Variants in SEMA6A observed in about 807,000 individuals in gnomAD.
SEMA6A encodes semaphorin-6A.
In SEMA6A, 25 loss-of-function variants were observed where a neutral mutation model predicts 96.8. The observed-to-expected ratio is 0.26, with a 90% CI of 0.19 to 0.36. The LOEUF (loss-of-function observed/expected upper bound fraction) is 0.36. Ranked by LOEUF, SEMA6A falls within the 10% of genes least tolerant of loss-of-function variation. SEMA6A has a pLI of 1.00. For missense variants in SEMA6A, 1,363 were observed against 1,323.1 expected (o/e 1.03, Z -0.47); for synonymous variants, 612 against 518.0 (o/e 1.18, Z -2.46).
In SEMA6A at chr5:116,477,845, C is replaced by A. The variant is rs1368107565; in HGVS notation, c.1649+1G>T. The A allele has an allele frequency of 6.2e-7, 1 of 1,613,708 alleles. No individual in the cohort carries two copies. The highest frequency in any genetic ancestry group is 1.7e-5 in the Admixed American group (1 of 60,008). On this transcript the variant is annotated splice_donor_variant, in intron 15 of 18. Coordinates refer to ENST00000343348, the MANE Select transcript of SEMA6A (RefSeq NM_020796.5). LOFTEE classifies it high-confidence loss of function. The stretch of plus-strand genomic sequence containing the variant: ...CCTCTCCCACACCTCAGGCTGCCTA[C>A]CTGCTGTTGGGTGATAAATGGCTGC...
chr5:116,535,784 C>G (rs138931490), intron 1 of SEMA6A, among the ~76,000 whole-genome samples: 1 of 152,324 alleles, frequency 6.6e-6, no homozygotes, highest in African/African-American at 2.4e-5. Flanking sequence ...TTTTGTAAAA[C>G]AGATTACACC....
chr5:116,487,013 AAGG>A (rs1757081613), intron 9 of SEMA6A, 47 bp from the exon 10 acceptor site: 2 of 1,388,854 alleles, frequency 1.4e-6, no homozygotes, highest in Non-Finnish European at 2.0e-6. Context: ...TTCATTTTGC[AAGG>A]AGATCTTAGT....
intron 9 of SEMA6A, 34 bp downstream of exon 9, chr5:116,488,074 T>A (rs1035722557): frequency 5.7e-6 from 8 of 1,401,300 alleles, no homozygotes; most frequent in African/African-American, 4.3e-5. Flanking sequence ...CTGAAAATGT[T>A]ACAAACTGAG....
intron 1 of SEMA6A, among the ~76,000 whole-genome samples, chr5:116,533,607 T>C (rs1013049352): frequency 2.6e-5 from 4 of 152,304 alleles, no homozygotes; most frequent in East Asian, 1.9e-4. Context: ...ATGTAGCTGT[T>C]TGGAAGGACT....
At chr5:116,520,225 C>T (rs950803542) in intron 1 of SEMA6A, among the ~76,000 whole-genome samples, 1 of 151,606 alleles carries the variant, frequency 6.6e-6, no homozygotes, top group Non-Finnish European at 1.5e-5. Context: ...CTCAGACAGG[C>T]CTTCCCTGAG....
chr5:116,461,457 GT>G lies in SEMA6A; in HGVS notation c.1894+6125del, dbSNP rs201938851. ...ATAAAAGGAATGCAAATTAGTATGA[GT>G]TTTTTTTTTCTTGAAATAAAGCTTA... On this transcript the variant is annotated intron_variant, in intron 18 of 18. Transcript: ENST00000343348. Among the ~76,000 whole-genome samples the G allele has an allele frequency of 7.1e-4, 103 of 144,278 alleles. 2 individuals carry two copies. Among genetic ancestry groups the G allele is most frequent in the African/African-American group, 2.0e-3 (80 of 39,476 alleles). The allele number at this position is 144,278 out of a possible 152,430, so 94.7% of individuals were successfully genotyped here. A position where few individuals can be genotyped will look rare whatever the true frequency, so the allele number is the denominator to read the frequency against.
At position 116,566,869 on chromosome 5, in the gene SEMA6A, A is replaced by G. The variant is rs143636372; in HGVS notation, c.-39+7316T>C. Among the ~76,000 whole-genome samples, 16 of 152,228 alleles carry G rather than the reference A, an allele frequency of 1.1e-4. No homozygotes were observed. The East Asian group carries it at 3.1e-3, about 29-fold the overall frequency. On this transcript the variant is annotated intron_variant, in intron 1 of 18. Coordinates refer to ENST00000343348, the MANE Select transcript of SEMA6A (RefSeq NM_020796.5). ...TTTCAAGCTTGGCCAGGGAAGAGTG[A>G]CCTGGCAGATGCATGCCCAACCTGA...
Position 116,446,461 on chromosome 5 carries a change from C to T in SEMA6A, c.*152G>A, listed in dbSNP as rs1754214229. On this transcript the variant is annotated 3_prime_UTR_variant, in exon 19 of 19. Coordinates refer to ENST00000343348, the MANE Select transcript of SEMA6A (RefSeq NM_020796.5). ...CACGCGGCCCAGTTTTCGTGAGTAC[C>T]CCTGTGTCCCAGAGAGGAGGACCCA... is the stretch of plus-strand genomic sequence containing the variant. The T allele has an allele frequency of 1.6e-6, 1 of 621,086 alleles. No homozygotes were observed. The highest frequency in any genetic ancestry group is 3.8e-5 in the South Asian group (1 of 26,230). 38.5% of individuals were successfully genotyped at this position (621,086 alleles called of 1,614,324 possible).
chr5:116,529,126 TAA>T (rs1309759954), intron 1 of SEMA6A, among the ~76,000 whole-genome samples: 1 of 152,152 alleles, frequency 6.6e-6, no homozygotes, highest in Admixed American at 6.6e-5. Context: ...CCAGTGTGAA[TAA>T]AGAGTCTGTT....
intron 17 of SEMA6A, among the ~76,000 whole-genome samples, chr5:116,470,684 A>G (rs1756071568): frequency 1.3e-5 from 2 of 152,222 alleles, no homozygotes; most frequent in Admixed American, 1.3e-4. Flanking sequence ...GGTGTGATAC[A>G]GAGCTTTTGA....
At chr5:116,566,384 T>C (rs1761030177) in intron 1 of SEMA6A, among the ~76,000 whole-genome samples, 1 of 152,200 alleles carries the variant, frequency 6.6e-6, no homozygotes. Context: ...AAGCTTCAAG[T>C]CTAAAGGCTG....
intron 1 of SEMA6A, among the ~76,000 whole-genome samples, chr5:116,534,014 A>G (rs1759605585): frequency 6.6e-6 from 1 of 152,030 alleles, no homozygotes; most frequent in Admixed American, 6.5e-5. Flanking sequence ...CTTTCTCTCC[A>G]CCTTTTCTTC....
At chr5:116,561,776 T>G (rs918459801) in intron 1 of SEMA6A, among the ~76,000 whole-genome samples, 3 of 152,176 alleles carry the variant, frequency 2.0e-5, no homozygotes, top group African/African-American at 7.2e-5. Flanking sequence ...ATTAACAGGT[T>G]TTGTGTTTTT....
intron 6 of SEMA6A, among the ~76,000 whole-genome samples, chr5:116,493,132 C>T (rs986506880): frequency 2.0e-5 from 3 of 152,100 alleles, no homozygotes; most frequent in Admixed American, 1.3e-4. Flanking sequence ...GAGGTGACGG[C>T]ATTATTATAA....
At chr5:116,448,841 A>G (rs1245539618) in intron 18 of SEMA6A, among the ~76,000 whole-genome samples, 4 of 151,878 alleles carry the variant, frequency 2.6e-5, no homozygotes, top group Non-Finnish European at 5.9e-5. Context: ...ACTGGAACTG[A>G]AAGAAGATTC....
intron 10 of SEMA6A, among the ~76,000 whole-genome samples, chr5:116,483,638 C>T (rs1424819876): frequency 2.0e-5 from 3 of 150,880 alleles, no homozygotes; most frequent in African/African-American, 7.3e-5. Flanking sequence ...ATAATAATTG[C>T]TTAATAATAA....
chr5:116,448,196 A>AAAAAT (rs780426357), intron 18 of SEMA6A, among the ~76,000 whole-genome samples: 1 of 138,636 alleles, frequency 7.2e-6, no homozygotes, highest in Admixed American at 7.3e-5. Context: ...AAAAAAAAAA[A>AAAAAT]TTAGCCAGGC....
intron 10 of SEMA6A, among the ~76,000 whole-genome samples, chr5:116,484,719 G>A (rs887649175): frequency 6.6e-6 from 1 of 152,202 alleles, no homozygotes; most frequent in Non-Finnish European, 1.5e-5. Context: ...GTATGCACAA[G>A]GTCCCATAGG....
intron 1 of SEMA6A, among the ~76,000 whole-genome samples, chr5:116,549,071 A>C (rs1760300410): frequency 6.6e-6 from 1 of 152,218 alleles, no homozygotes; most frequent in Non-Finnish European, 1.5e-5. Context: ...CACTGTAAGC[A>C]AACAACAAAA....
Sources: allele counts gnomAD v4.1 joint callset (sites outside exome capture counted in the v4.1 genomes callset), GRCh38; gene constraint gnomAD v4.1.1; transcripts MANE v1.5; gene names NCBI Gene and HGNC (gene_info 2026-07-23, HGNC 2026-07-21).